Variants in SCLY observed in about 807,000 individuals in gnomAD.
SCLY encodes putative selenocysteine lyase.
A neutral mutation model predicts 50.1 loss-of-function variants in SCLY; 38 were observed. That is an observed-to-expected ratio of 0.76 (90% CI 0.59 to 0.99). SCLY has a LOEUF of 0.99. SCLY is among the 50% of genes least tolerant of loss of function. The probability of loss-of-function intolerance (pLI) is 0.00; values close to 1 mark genes in which losing one functional copy is unlikely to be tolerated. For missense variants in SCLY, 600 were observed against 620.0 expected (o/e 0.97, Z 0.34); for synonymous variants, 243 against 249.4 (o/e 0.97, Z 0.24).
chr2:238,074,017 G>A (rs2106440961), intron 4 of SCLY, among the ~76,000 whole-genome samples: 1 of 152,218 alleles, frequency 6.6e-6, no homozygotes. Flanking sequence ...AAGTTTGCAG[G>A]GAGCTGGCTG....
In SCLY at chr2:238,098,633, G is replaced by A. The variant is rs62196007; in HGVS notation, c.*278G>A. ...ACCGCCCACATGGGACCGCCCACAT[G>A]GGACCGCCCACATGGGACCGCCCAC... On this transcript the variant is annotated 3_prime_UTR_variant, in exon 12 of 12. Transcript: ENST00000254663. The A allele has an allele frequency of 0.059, 13,298 of 225,494 alleles. 738 individuals carry two copies. The highest frequency in any genetic ancestry group is 0.1 in the African/African-American group (2,507 of 24,446). The allele number at this position is 225,494 out of a possible 1,614,324, so 14.0% of individuals were successfully genotyped here.
chr2:238,062,772 C>T (rs1042744750), intron 1 of SCLY, among the ~76,000 whole-genome samples: 1 of 152,244 alleles, frequency 6.6e-6, no homozygotes, highest in Admixed American at 6.5e-5. Context: ...TCTGTCCACA[C>T]TCAGTGGCTT....
rs201389671 is a variant in SCLY at position 238,093,828 on chromosome 2, T to C, written c.922-33T>C. 1.1e-5 allele frequency: 18 copies of C among 1,584,458 alleles called. No homozygotes were observed. The East Asian group carries it at 3.6e-4, about 32-fold the overall frequency. On this transcript the variant is annotated intron_variant, in intron 8 of 11. Coordinates refer to ENST00000254663, the MANE Select transcript of SCLY (RefSeq NM_016510.7). The stretch of plus-strand genomic sequence containing the variant: ...TTGGCCCTCCTTTATTTTGCAAGAA[T>C]TGTGCATCCACTTGTTGTGTGTCTG...
chr2:238,093,618 C>T, intron 8 of SCLY: 1 of 524,820 alleles, frequency 1.9e-6, no homozygotes, highest in South Asian at 2.6e-5. Context: ...CTCGAGGGAG[C>T]CCTTTCAGGG....
In SCLY at chr2:238,098,832, A is replaced by T; in HGVS notation, c.*477A>T. The T allele has an allele frequency of 3.3e-6, 1 of 304,530 alleles. No homozygotes were observed. The allele number at this position is 304,530 out of a possible 1,614,324, so 18.9% of individuals were successfully genotyped here. ...CCAAATGCTATCATGAACGTAGGAAACTTGATTTTTTTGTTTTGATCATGG... is the reference window on the plus strand; with the variant it reads ...CCAAATGCTATCATGAACGTAGGAATCTTGATTTTTTTGTTTTGATCATGG... On this transcript the variant is annotated 3_prime_UTR_variant, in exon 12 of 12. Coordinates refer to ENST00000254663, the MANE Select transcript of SCLY (RefSeq NM_016510.7).
chr2:238,093,473 C>T (rs1227134779), intron 8 of SCLY: 2 of 263,598 alleles, frequency 7.6e-6, no homozygotes, highest in Non-Finnish European at 1.5e-5. Flanking sequence ...ACGCCATTCC[C>T]TGCCCTTGTA....
intron 7 of SCLY, among the ~76,000 whole-genome samples, chr2:238,085,282 A>G (rs998608475): frequency 2.0e-5 from 3 of 152,202 alleles, no homozygotes; most frequent in Non-Finnish European, 4.4e-5. Flanking sequence ...CCAAATGGAA[A>G]TTGGAAATTG....
Position 238,069,888 on chromosome 2 carries a change from A to G in SCLY, c.484+411A>G, listed in dbSNP as rs1056664125. 1.3e-5 allele frequency: 2 copies of G among 156,178 alleles called. No individual in the cohort carries two copies. The highest frequency in any genetic ancestry group is 4.8e-5 in the African/African-American group (2 of 41,590). 9.7% of individuals were successfully genotyped at this position (156,178 alleles called of 1,614,324 possible). ...TGCTTGTCATTATTTGGTTTTCATC[A>G]TAAAATCTCAGCTCCCACTCTCCTC... is the stretch of plus-strand genomic sequence containing the variant. On this transcript the variant is annotated intron_variant, in intron 4 of 11. Coordinates refer to ENST00000254663, the MANE Select transcript of SCLY (RefSeq NM_016510.7). This position sits in a 1 kb window ranked among gnomAD's most constrained non-coding sequence, Gnocchi z 5.0.
chr2:238,064,274 C>T (rs1576659883), intron 1 of SCLY, 83 bp from the exon 2 acceptor site: 16 of 795,232 alleles, frequency 2.0e-5, no homozygotes, highest in South Asian at 1.6e-4. Flanking sequence ...TTGCTCCTGC[C>T]GATGGGATAG....
chr2:238,064,304 C>A, intron 1 of SCLY, 53 bp from the exon 2 acceptor site: 1 of 1,175,654 alleles, frequency 8.5e-7, no homozygotes, highest in Non-Finnish European at 1.2e-6. Context: ...AGCCATATTT[C>A]CCATATGCCA....
At position 238,069,402 on chromosome 2, in the gene SCLY, C is replaced by T. The variant is rs766095407; in HGVS notation, c.409C>T (p.His137Tyr). The T allele has an allele frequency of 1.7e-5, 28 of 1,613,876 alleles. No individual in the cohort carries two copies. Among genetic ancestry groups the T allele is most frequent in the Non-Finnish European group, 2.2e-5 (26 of 1,179,950 alleles). The change falls in exon 4 of 12, where the codon CAT (histidine) becomes TAT (tyrosine). Residue 137 changes from histidine (H) to tyrosine (Y), a missense_variant. Coordinates refer to ENST00000254663, the MANE Select transcript of SCLY (RefSeq NM_016510.7). The surrounding 1 kb of genome is among the most constrained non-coding windows in gnomAD (Gnocchi z 5.0). ...HHSPVKGAKP[H>Y]FITSSVEHDS... ...CAGCCCAGTGAAGGGGGCCAAGCCC[C>T]ATTTCATTACTTCCTCGGTGGAACA...
intron 4 of SCLY, among the ~76,000 whole-genome samples, chr2:238,077,478 G>A (rs756182705): frequency 2.5e-4 from 38 of 152,222 alleles, no homozygotes; most frequent in Non-Finnish European, 4.9e-4. Context: ...GACACTATGT[G>A]TCAATTAGCA....
At chr2:238,074,745 A>C (rs974684376) in intron 4 of SCLY, among the ~76,000 whole-genome samples, 11 of 152,284 alleles carry the variant, frequency 7.2e-5, no homozygotes, top group South Asian at 2.1e-4. Flanking sequence ...TGGCCTCTCA[A>C]AGTGCTGGGA....
At chr2:238,091,561 G>GAGTAT in intron 8 of SCLY, 9 of 302,708 alleles carry the variant, frequency 3.0e-5, no homozygotes, top group South Asian at 8.8e-5. Context: ...ATTCCCAAAG[G>GAGTAT]CGTCGGCAGC....
At chr2:238,072,963 T>G (rs2065141127) in intron 4 of SCLY, among the ~76,000 whole-genome samples, 1 of 152,254 alleles carries the variant, frequency 6.6e-6, no homozygotes, top group African/African-American at 2.4e-5. Flanking sequence ...GAAAATGTAC[T>G]CATATTTTCT....
At chr2:238,081,671 T>A (rs1576670455) in intron 4 of SCLY, 38 bp from the exon 5 acceptor site, 1 of 1,588,074 alleles carries the variant, frequency 6.3e-7, no homozygotes, top group Non-Finnish European at 8.6e-7. Context: ...AGGAATCAAT[T>A]TGTGCAGCTC....
intron 10 of SCLY, 96 bp from the exon 11 acceptor site, chr2:238,096,705 G>C: frequency 1.5e-6 from 2 of 1,329,078 alleles, no homozygotes; most frequent in Non-Finnish European, 2.1e-6. Flanking sequence ...GGCACAGAGG[G>C]AGGGAAGCAG....
chr2:238,071,342 C>A (rs2065125269), intron 4 of SCLY, among the ~76,000 whole-genome samples: 1 of 152,188 alleles, frequency 6.6e-6, no homozygotes, highest in Non-Finnish European at 1.5e-5. Flanking sequence ...CACGGTGGCT[C>A]ACGCCTGTCA....
At chr2:238,072,085 C>T (rs991338847) in intron 4 of SCLY, among the ~76,000 whole-genome samples, 1 of 152,184 alleles carries the variant, frequency 6.6e-6, no homozygotes, top group African/African-American at 2.4e-5. Flanking sequence ...GGCAACCACT[C>T]ATCTACTTTC....
Sources: allele counts gnomAD v4.1 joint callset (sites outside exome capture counted in the v4.1 genomes callset), GRCh38; gene constraint gnomAD v4.1.1; non-coding constraint Gnocchi (gnomAD v3.1); transcripts MANE v1.5; gene names NCBI Gene and HGNC (gene_info 2026-07-23, HGNC 2026-07-21).